Variants in TTLL11 observed in about 807,000 individuals in gnomAD.
TTLL11 encodes tubulin polyglutamylase TTLL11.
TTLL11 carries 42 observed loss-of-function variants against 51.7 expected under a neutral mutation model. The ratio of observed to expected loss-of-function variants is 0.81; its 90% CI spans 0.64 to 1.05. TTLL11 has a LOEUF of 1.05. Among genes scored for constraint, TTLL11 ranks in the 50% least tolerant of loss-of-function variants. The pLI is 0.00. For missense variants in TTLL11, 799 were observed against 940.4 expected (o/e 0.85, Z 1.97); for synonymous variants, 381 against 383.5 (o/e 0.99, Z 0.08).
In TTLL11 at chr9:121,822,756, A is replaced by G. The variant is rs1306779802; in HGVS notation, c.1964T>C (p.Leu655Pro). The change falls in exon 9 of 9, where the codon CTG becomes CCG. Residue 655 changes from leucine (L) to proline (P), a missense_variant. Physicochemically the swap from Leu to Pro is moderately conservative, Grantham distance 98. This residue lies in a region of TTLL11 where 165 missense variants were observed against 166.1 expected (regional missense o/e 0.99). Coordinates refer to ENST00000321582, the MANE Select transcript of TTLL11 (RefSeq NM_001139442.2). The surrounding 1 kb of genome is among the most constrained non-coding windows in gnomAD (Gnocchi z 5.8). ...GCCACACACCAGGCGTTTTTCATCC[A>G]GCAGGGACAGGTGGTACTCGCAAAG... ...IDLCEYHLSL[L>P]DEKRLVCGRG... 1 of 1,551,566 alleles carries G rather than the reference A, an allele frequency of 6.4e-7. No homozygotes were observed. Among genetic ancestry groups the G allele is most frequent in the East Asian group, 2.4e-5 (1 of 40,924 alleles).
At chr9:121,986,183 C>T (rs2131684553) in intron 4 of TTLL11, among the ~76,000 whole-genome samples, 1 of 152,328 alleles carries the variant, frequency 6.6e-6, no homozygotes, top group East Asian at 1.9e-4. Flanking sequence ...CAGTGGCTCC[C>T]TCCCTGTCTG....
Position 121,860,402 on chromosome 9 carries a change from A to T in TTLL11, c.1775T>A (p.Val592Glu). ...LSSSSLSMAA[V>E]DILYIDITRR... ...TGTGATGTCAATGTAGAGGATGTCC[A>T]CGGCAGCCATGGACAGGCTGCTGCT... Residue 592 changes from valine (V) to glutamate (E), a missense_variant, in exon 8 of 9, where the codon GTG becomes GAG. Physicochemically the swap from Val to Glu is moderately radical, Grantham distance 121 (BLOSUM62 -2). Around this residue, in one of 3 missense-constraint regions of TTLL11, gnomAD observed 165 missense variants for 166.1 expected, o/e 0.99. Coordinates refer to ENST00000321582, the MANE Select transcript of TTLL11 (RefSeq NM_001139442.2). 1 of 1,551,438 alleles carries T rather than the reference A, an allele frequency of 6.4e-7. No individual in the cohort carries two copies. The highest frequency in any genetic ancestry group is 8.7e-7 in the Non-Finnish European group (1 of 1,146,954).
At chr9:121,957,194 G>C (rs1043347255) in intron 6 of TTLL11, among the ~76,000 whole-genome samples, 4 of 129,800 alleles carry the variant, frequency 3.1e-5, no homozygotes, top group Non-Finnish European at 6.4e-5. Context: ...TCCTCAAACC[G>C]GCTAGCCAGT....
intron 1 of TTLL11, among the ~76,000 whole-genome samples, chr9:122,069,942 G>A (rs1186776566): frequency 1.3e-5 from 2 of 150,888 alleles, no homozygotes; most frequent in South Asian, 4.2e-4. Context: ...CATTCTCCTG[G>A]GTCACAATCC....
chr9:121,970,242 C>T (rs1236468162), intron 6 of TTLL11, among the ~76,000 whole-genome samples: 1 of 152,168 alleles, frequency 6.6e-6, no homozygotes, highest in African/African-American at 2.4e-5. Flanking sequence ...AATGCCTTTC[C>T]TATCCTTCCC....
chr9:121,871,754 C>T (rs570587347), intron 6 of TTLL11, among the ~76,000 whole-genome samples: 6 of 152,342 alleles, frequency 3.9e-5, no homozygotes, highest in Non-Finnish European at 8.8e-5. Flanking sequence ...AATCATCCCC[C>T]TGCCAGGCAC....
intron 3 of TTLL11, among the ~76,000 whole-genome samples, chr9:122,029,725 G>A (rs1844469068): frequency 1.3e-5 from 2 of 152,150 alleles, no homozygotes; most frequent in Admixed American, 1.3e-4. Context: ...TAGATTTAGT[G>A]TAGCCTAAGT....
chr9:121,896,338 T>C (rs1422381011), intron 6 of TTLL11, among the ~76,000 whole-genome samples: 1 of 152,218 alleles, frequency 6.6e-6, no homozygotes, highest in Admixed American at 6.5e-5. Context: ...AGTTCCCAAC[T>C]GTGGGCCAGG....
At chr9:121,868,544 G>C (rs1477182658) in intron 7 of TTLL11, among the ~76,000 whole-genome samples, 3 of 152,024 alleles carry the variant, frequency 2.0e-5, no homozygotes, top group Non-Finnish European at 4.4e-5. Flanking sequence ...AACCATGATG[G>C]CTGGATTTTG....
intron 7 of TTLL11, among the ~76,000 whole-genome samples, chr9:121,866,095 G>A (rs564744272): frequency 2.0e-5 from 3 of 152,366 alleles, no homozygotes; most frequent in East Asian, 3.9e-4. Context: ...GCGCTGAGAG[G>A]AGTGTATATC....
chr9:122,014,174 G>T (rs1025649699), intron 3 of TTLL11, among the ~76,000 whole-genome samples: 1 of 152,042 alleles, frequency 6.6e-6, no homozygotes, highest in Non-Finnish European at 1.5e-5. Flanking sequence ...AGAGCAGCCT[G>T]GCCAACATAG....
At chr9:122,039,487 T>A (rs1203540724) in intron 1 of TTLL11, 119 bp from the exon 2 acceptor site, 1 of 683,392 alleles carries the variant, frequency 1.5e-6, no homozygotes, top group Non-Finnish European at 2.5e-6. Flanking sequence ...ATCCTTATAA[T>A]ACGCATATGA....
intron 8 of TTLL11, among the ~76,000 whole-genome samples, chr9:121,829,317 C>A (rs1836922020): frequency 6.6e-6 from 1 of 152,050 alleles, no homozygotes; most frequent in South Asian, 2.1e-4. Context: ...ATGGACAAAG[C>A]ACATGAATGG....
chr9:121,996,894 G>A (rs1843284609), intron 3 of TTLL11, among the ~76,000 whole-genome samples: 1 of 152,208 alleles, frequency 6.6e-6, no homozygotes, highest in Non-Finnish European at 1.5e-5. Flanking sequence ...GGCCCAGAGA[G>A]TCCAGTGAGA....
At chr9:121,982,321 T>G (rs1842844560) in intron 4 of TTLL11, among the ~76,000 whole-genome samples, 1 of 152,148 alleles carries the variant, frequency 6.6e-6, no homozygotes, top group Non-Finnish European at 1.5e-5. Flanking sequence ...TTTCTGGTAG[T>G]CTAGTTGTTT....
At chr9:121,898,378 A>G (rs1839625761) in intron 6 of TTLL11, among the ~76,000 whole-genome samples, 1 of 152,228 alleles carries the variant, frequency 6.6e-6, no homozygotes, top group Non-Finnish European at 1.5e-5. Context: ...TGGCCCTGAA[A>G]AGGGGATGTG....
Position 122,035,095 on chromosome 9 carries a change from G to A in TTLL11, c.560-3239C>T, listed in dbSNP as rs115686311. On this transcript the variant is annotated intron_variant, in intron 2 of 8. Coordinates refer to ENST00000321582, the MANE Select transcript of TTLL11 (RefSeq NM_001139442.2). ...TGAGTGGCTGCCTTAGCAATGCAGA[G>A]CTGCGTCCTTTTCTTTGTTCTCTCC... 9.4e-3 allele frequency among the ~76,000 whole-genome samples: 1,435 copies of A among 152,296 alleles called. 23 individuals carry two copies. The highest frequency in any genetic ancestry group is 0.031 in the African/African-American group (1,290 of 41,544).
chr9:122,006,829 T>C (rs1041288940), intron 3 of TTLL11, among the ~76,000 whole-genome samples: 3 of 150,572 alleles, frequency 2.0e-5, no homozygotes, highest in Non-Finnish European at 4.4e-5. Context: ...TTAATAAAAA[T>C]ACAAAAATTA....
intron 6 of TTLL11, among the ~76,000 whole-genome samples, chr9:121,957,566 C>A (rs185434746): frequency 6.6e-6 from 1 of 152,178 alleles, no homozygotes; most frequent in Non-Finnish European, 1.5e-5. Flanking sequence ...TTGTGCCCTG[C>A]GTTTGAGAGG....
Sources: gnomAD v4.1 joint callset for allele counts (sites outside exome capture counted in the v4.1 genomes callset) on GRCh38, gnomAD v4.1.1 for gene constraint, gnomAD v4.1.1 regional missense constraint, Gnocchi (gnomAD v3.1) non-coding constraint, MANE v1.5 for transcripts, NCBI Gene and HGNC (gene_info 2026-07-23, HGNC 2026-07-21) for gene names.